MELK: variants seen among roughly 807,000 people sequenced by gnomAD.
MELK encodes maternal embryonic leucine zipper kinase, also known as pEg3 kinase.
In MELK, 81 loss-of-function variants were observed where a neutral mutation model predicts 85.0. The ratio of observed to expected loss-of-function variants is 0.95; its 90% CI spans 0.80 to 1.15. The LOEUF is 1.15. Among genes scored for constraint, MELK ranks in the 50% most tolerant of loss-of-function variants. The pLI, the probability that MELK is intolerant of heterozygous loss-of-function variation, is 0.00. For synonymous variants in MELK, 252 were observed against 265.0 expected, an observed-to-expected ratio of 0.95 and a Z score of 0.48; for missense variants, 754 against 777.5, an observed-to-expected ratio of 0.97 and a Z score of 0.36.
rs748481989 is a variant in MELK at position 36,665,396 on chromosome 9, T to C, written c.1223T>C (p.Leu408Ser). The C allele has an allele frequency of 1.2e-6, 2 of 1,613,676 alleles. No homozygotes were observed. Among genetic ancestry groups the C allele is most frequent in the Admixed American group, 3.3e-5 (2 of 59,980 alleles). Residue 408 changes from leucine to serine, a missense_variant, in exon 14 of 18, where the codon TTA becomes TCA. Coordinates refer to ENST00000298048, the MANE Select transcript of MELK (RefSeq NM_014791.4). The part of the protein sequence containing the change: ...TESNGVESKS[L>S]TPALCRTPAN... ...TCAAATGGGGTGGAATCTAAATCATTAACTCCAGCCTTATGCAGAACACCT... is the reference window on the plus strand; with the variant it reads ...TCAAATGGGGTGGAATCTAAATCATCAACTCCAGCCTTATGCAGAACACCT...
intron 10 of MELK, among the ~76,000 whole-genome samples, chr9:36,640,561 C>G (rs535126787): frequency 1.3e-5 from 2 of 152,320 alleles, no homozygotes; most frequent in South Asian, 4.1e-4. Flanking sequence ...ATCCTCCCAC[C>G]TCAGCCTCCT....
At chr9:36,654,989 T>C (rs1286058684) in intron 12 of MELK, among the ~76,000 whole-genome samples, 1 of 152,138 alleles carries the variant, frequency 6.6e-6, no homozygotes, top group Non-Finnish European at 1.5e-5. Flanking sequence ...GTGTTGTTTA[T>C]AAGAAAGTAA....
At chr9:36,666,856 TGTGTGTG>T (rs1832390838) in intron 14 of MELK, among the ~76,000 whole-genome samples, 1 of 3,110 alleles carries the variant, frequency 3.2e-4, no homozygotes, top group Admixed American at 5.6e-3. Flanking sequence ...TCTGTGTTTG[TGTGTGTG>T]TGTGTGTGTG....
intron 5 of MELK, among the ~76,000 whole-genome samples, chr9:36,596,567 TTTTTGTTTTTTTTG>T (rs1330245213): frequency 1.0e-5 from 1 of 97,976 alleles, no homozygotes; most frequent in African/African-American, 6.9e-5. Context: ...CTTTTTGTTT[TTTTTGTTTTTTTTG>T]TTTTTTTTGT....
At chr9:36,659,152 A>T (rs1831549178) in intron 13 of MELK, among the ~76,000 whole-genome samples, 1 of 152,026 alleles carries the variant, frequency 6.6e-6, no homozygotes, top group Non-Finnish European at 1.5e-5. Context: ...AAGTGCTGGG[A>T]TTACAGGCTT....
At chr9:36,607,754 A>G in intron 8 of MELK, 81 bp downstream of exon 8, 1 of 1,003,978 alleles carries the variant, frequency 1.0e-6, no homozygotes, top group South Asian at 1.4e-5. Flanking sequence ...AAATGTACAA[A>G]AACAGGCATA....
chr9:36,599,730 T>C (rs1824713913), intron 7 of MELK, among the ~76,000 whole-genome samples: 1 of 152,184 alleles, frequency 6.6e-6, no homozygotes, highest in Non-Finnish European at 1.5e-5. Context: ...TGTGGCTGCT[T>C]TTGTATTAAA....
chr9:36,593,512 C>T (rs76395858), intron 4 of MELK, among the ~76,000 whole-genome samples: 2,699 of 152,164 alleles, frequency 0.018, 73 homozygotes, highest in African/African-American at 0.058. Flanking sequence ...TTAGACTTCC[C>T]GGCCTCCAGA....
rs1021043689 is a variant in MELK at position 36,639,530 on chromosome 9, G to T, written c.835-3467G>T. On this transcript the variant is annotated intron_variant, in intron 10 of 17. Coordinates refer to ENST00000298048, the MANE Select transcript of MELK (RefSeq NM_014791.4). ...AGTCAGTTTCATTTTCTGCCCTGGCGAACAGGAAATGTAGTAGGCACAGAT... is the reference window on the plus strand; with the variant it reads ...AGTCAGTTTCATTTTCTGCCCTGGCTAACAGGAAATGTAGTAGGCACAGAT... Among the ~76,000 whole-genome samples, 3 of 152,316 alleles carry T rather than the reference G, an allele frequency of 2.0e-5. No individual in the cohort carries two copies. In the East Asian group the frequency reaches 5.8e-4, roughly 29 times the overall value.
intron 10 of MELK, among the ~76,000 whole-genome samples, chr9:36,638,851 A>T (rs1276428087): frequency 6.6e-6 from 1 of 152,246 alleles, no homozygotes; most frequent in Non-Finnish European, 1.5e-5. Flanking sequence ...ACACAGAATC[A>T]TTAAGTAACT....
intron 8 of MELK, among the ~76,000 whole-genome samples, chr9:36,622,729 T>C (rs1364336062): frequency 2.6e-5 from 4 of 152,208 alleles, no homozygotes; most frequent in African/African-American, 9.6e-5. Context: ...GCAAGTTGTC[T>C]CTTTATGAAA....
chr9:36,587,698 G>A (rs56348401), intron 3 of MELK, among the ~76,000 whole-genome samples: 16,041 of 151,794 alleles, frequency 0.11, 891 homozygotes, highest in Middle Eastern at 0.15. Context: ...CTGGGTTCAA[G>A]CGATTCTCCT....
rs1832256706 is a variant in MELK, at chr9:36,665,531, A to G, written c.1358A>G (p.His453Arg). The G allele has an allele frequency of 1.2e-6, 2 of 1,613,876 alleles. No homozygotes were observed. The highest frequency in any genetic ancestry group is 2.7e-5 in the African/African-American group (2 of 74,944). Residue 453 changes from histidine to arginine, a missense_variant, in exon 14 of 18, where the codon CAT (histidine) becomes CGT (arginine). Transcript: ENST00000298048. ...EPKTPVNKNQHKREILTTPNR... is the reference protein window; with the variant it reads ...EPKTPVNKNQRKREILTTPNR... ...AAGACTCCAGTTAATAAGAACCAGCATAAGAGAGAAATACTCACTACGCCA... is the reference window on the plus strand; with the variant it reads ...AAGACTCCAGTTAATAAGAACCAGCGTAAGAGAGAAATACTCACTACGCCA...
chr9:36,621,298 A>AAAAAAAAAAC, intron 8 of MELK, among the ~76,000 whole-genome samples: 1 of 118,994 alleles, frequency 8.4e-6, no homozygotes, highest in East Asian at 2.2e-4. Context: ...AAAAAAAAAA[A>AAAAAAAAAAC]AAAAAAAAAA....
intron 4 of MELK, 45 bp from the exon 5 acceptor site, chr9:36,594,583 A>AT (rs1257068397): frequency 2.5e-6 from 4 of 1,581,244 alleles, no homozygotes; most frequent in African/African-American, 2.7e-5. Context: ...CTGTGAAGTG[A>AT]TTTTTTAAGT....
At chr9:36,596,285 T>C (rs1391837586) in intron 5 of MELK, among the ~76,000 whole-genome samples, 2 of 152,158 alleles carry the variant, frequency 1.3e-5, no homozygotes, top group Non-Finnish European at 2.9e-5. Context: ...GGGGAAGTGA[T>C]AGAGTGATCG....
intron 8 of MELK, among the ~76,000 whole-genome samples, chr9:36,620,104 T>A (rs995615383): frequency 2.0e-5 from 3 of 152,138 alleles, no homozygotes; most frequent in African/African-American, 7.2e-5. Flanking sequence ...TTATAGCTAG[T>A]GAGTAGCAGA....
At chr9:36,613,377 G>T (rs1194165687) in intron 8 of MELK, among the ~76,000 whole-genome samples, 1 of 152,202 alleles carries the variant, frequency 6.6e-6, no homozygotes, top group Non-Finnish European at 1.5e-5. Flanking sequence ...CCTAATATGT[G>T]CCAGGCACTT....
chr9:36,657,545 G>A (rs530229620), intron 13 of MELK, among the ~76,000 whole-genome samples, 182 bp downstream of exon 13: 5 of 152,288 alleles, frequency 3.3e-5, no homozygotes, highest in African/African-American at 9.6e-5. Flanking sequence ...GTTGAAGAAA[G>A]CCAAGATTCT....
Sources: gnomAD v4.1 joint callset for allele counts (sites outside exome capture counted in the v4.1 genomes callset) on GRCh38, gnomAD v4.1.1 for gene constraint, MANE v1.5 for transcripts, NCBI Gene and HGNC (gene_info 2026-07-23, HGNC 2026-07-21) for gene names.